Variants in NTRK3 observed in about 807,000 individuals in gnomAD.
The protein encoded by NTRK3 is neurotrophic receptor tyrosine kinase 3.
In NTRK3, 24 loss-of-function variants were observed where a neutral mutation model predicts 91.7. That is an observed-to-expected ratio of 0.26 (90% CI 0.19 to 0.37). The LOEUF (loss-of-function observed/expected upper bound fraction) is 0.37, where lower values mean the gene tolerates loss of function less well. Among genes scored for constraint, NTRK3 ranks in the 10% least tolerant of loss-of-function variants. The pLI, the probability that NTRK3 is intolerant of heterozygous loss-of-function variation, is 1.00. For missense variants in NTRK3, 880 were observed against 1,068.9 expected (o/e 0.82, Z 2.46); for synonymous variants, 483 against 404.0 (o/e 1.20, Z -2.34).
At chr15:87,922,069 C>G (rs2067920765) in intron 17 of NTRK3, among the ~76,000 whole-genome samples, 1 of 152,168 alleles carries the variant, frequency 6.6e-6, no homozygotes, top group African/African-American at 2.4e-5. Context: ...CAACGAAGAG[C>G]AGAAAGCATG....
intron 3 of NTRK3, among the ~76,000 whole-genome samples, chr15:88,242,953 C>T (rs181879044): frequency 6.7e-4 from 102 of 152,324 alleles, no homozygotes; most frequent in African/African-American, 2.4e-3. Context: ...GGCCGCCCCT[C>T]CAACACCTGC....
At chr15:87,860,445 C>T (rs955595368) in exon 19 of NTRK3, 13 of 218,692 alleles carry the variant, frequency 5.9e-5, no homozygotes, top group Non-Finnish European at 1.2e-4. Flanking sequence ...GAGAACACAC[C>T]CCTCTAACCT....
In NTRK3 at chr15:88,100,442, A is replaced by G. The variant is rs562720972; in HGVS notation, c.1396+25829T>C. On this transcript the variant is annotated intron_variant, in intron 13 of 18. Transcript: ENST00000394480. ...GAGCTGGCAGCCAGCAACTCCCAGT[A>G]GTGAGCTGGTAAACCTCAGATGGCG... 3.3e-5 allele frequency among the ~76,000 whole-genome samples: 5 copies of G among 152,334 alleles called. No homozygotes were observed. In the East Asian group the frequency reaches 9.6e-4, roughly 29 times the overall value.
intron 17 of NTRK3, among the ~76,000 whole-genome samples, chr15:87,882,736 G>A (rs2065320461): frequency 6.6e-6 from 1 of 151,950 alleles, no homozygotes; most frequent in South Asian, 2.1e-4. Context: ...ATTTAAATAT[G>A]CTTACTAAAA....
At chr15:88,129,521 A>G (rs533398627) in intron 10 of NTRK3, among the ~76,000 whole-genome samples, 5 of 152,330 alleles carry the variant, frequency 3.3e-5, no homozygotes, top group East Asian at 1.9e-4. Context: ...TCTACCAGAA[A>G]TGCTCAAACT....
At chr15:88,150,884 G>T (rs74027773) in intron 5 of NTRK3, among the ~76,000 whole-genome samples, 179 of 152,266 alleles carry the variant, frequency 1.2e-3, no homozygotes, top group African/African-American at 4.1e-3. Flanking sequence ...ACAAGCTTCT[G>T]TATGAGTTGC....
intron 16 of NTRK3, among the ~76,000 whole-genome samples, chr15:87,929,851 A>G (rs1299932707): frequency 6.6e-6 from 1 of 152,232 alleles, no homozygotes; most frequent in Non-Finnish European, 1.5e-5. Flanking sequence ...TGAAATAAAG[A>G]AATTGAGGCA....
At chr15:88,251,548 A>T (rs559683223) in intron 3 of NTRK3, among the ~76,000 whole-genome samples, 4 of 152,360 alleles carry the variant, frequency 2.6e-5, no homozygotes, top group Admixed American at 2.0e-4. Flanking sequence ...CTTCTGTGCA[A>T]GCCACCCATG....
chr15:88,054,532 A>C (rs1275060561), intron 13 of NTRK3, among the ~76,000 whole-genome samples: 1 of 152,214 alleles, frequency 6.6e-6, no homozygotes, highest in South Asian at 2.1e-4. Context: ...GCAACTCAAC[A>C]GGCATCCCAT....
chr15:88,194,634 A>G (rs1186843489), intron 3 of NTRK3, among the ~76,000 whole-genome samples: 1 of 152,230 alleles, frequency 6.6e-6, no homozygotes, highest in Non-Finnish European at 1.5e-5. Flanking sequence ...CTGCGGCCCA[A>G]TTAAAATCTG....
chr15:87,883,782 A>T (rs1272648739), intron 17 of NTRK3, among the ~76,000 whole-genome samples: 1 of 151,406 alleles, frequency 6.6e-6, no homozygotes, highest in East Asian at 1.9e-4. Flanking sequence ...TAATTTTTTA[A>T]AAGTTGTCTT....
chr15:88,139,080 T>C (rs2151238475), intron 6 of NTRK3, among the ~76,000 whole-genome samples: 1 of 152,318 alleles, frequency 6.6e-6, no homozygotes, highest in African/African-American at 2.4e-5. Flanking sequence ...TGAGTGCTGC[T>C]GACACAGAGA....
chr15:88,047,105 C>T (rs186282655), intron 13 of NTRK3, among the ~76,000 whole-genome samples: 5 of 152,232 alleles, frequency 3.3e-5, no homozygotes, highest in East Asian at 3.9e-4. Context: ...TGAGGTTCCA[C>T]GCATGCCCAC....
At position 88,029,824 on chromosome 15, in the gene NTRK3, T is replaced by C. The variant is rs369355783; in HGVS notation, c.1585+3033A>G. ...ACACAGGGATGTGTCTTGGAGTCTG[T>C]TCCCTCGACTGATGAAGGCTTGGTT... is the stretch of plus-strand genomic sequence containing the variant. On this transcript the variant is annotated intron_variant, in intron 14 of 18. Transcript: ENST00000394480. Among the ~76,000 whole-genome samples the C allele has an allele frequency of 6.6e-5, 10 of 152,226 alleles. No individual in the cohort carries two copies. In the East Asian group the frequency reaches 9.6e-4, roughly 15 times the overall value.
At chr15:88,207,679 G>A (rs1253959919) in intron 3 of NTRK3, among the ~76,000 whole-genome samples, 1 of 152,122 alleles carries the variant, frequency 6.6e-6, no homozygotes, top group Admixed American at 6.5e-5. Flanking sequence ...TCTGCTGCAG[G>A]CAAAAGAAGC....
At position 87,868,102 on chromosome 15, in the gene NTRK3, C is replaced by A. The variant is rs373505948; in HGVS notation, c.*8833G>T. On this transcript the variant is annotated 3_prime_UTR_variant, in exon 19 of 19. Coordinates refer to ENST00000394480, the Ensembl canonical transcript of NTRK3. ...GCAAATGCATGCACACAAAGATCAA[C>A]GGAAGCGACACAAATGGGGCATATG... The A allele has an allele frequency of 1.6e-4, 38 of 231,558 alleles. No homozygotes were observed. In the East Asian group the frequency reaches 1.6e-3, roughly 10 times the overall value. The allele number at this position is 231,558 out of a possible 1,614,324, so 14.3% of individuals were successfully genotyped here.
intron 5 of NTRK3, among the ~76,000 whole-genome samples, chr15:88,154,720 A>G (rs2043723237): frequency 6.6e-6 from 1 of 152,186 alleles, no homozygotes; most frequent in Non-Finnish European, 1.5e-5. Flanking sequence ...GGTTTCCCAG[A>G]GCGTGTTCCT....
At chr15:88,072,520 GT>G in intron 13 of NTRK3, 1 of 232,438 alleles carries the variant, frequency 4.3e-6, no homozygotes, top group Non-Finnish European at 8.5e-6. Context: ...TTCCGTTGTT[GT>G]TTTTCATTTT....
At chr15:88,247,604 T>C (rs118106010) in intron 3 of NTRK3, among the ~76,000 whole-genome samples, 1,736 of 152,260 alleles carry the variant, frequency 0.011, 11 homozygotes, top group Non-Finnish European at 0.019. Context: ...AACATGACAG[T>C]GACCCTACGG....
Sources: gnomAD v4.1 joint callset for allele counts (sites outside exome capture counted in the v4.1 genomes callset) on GRCh38, gnomAD v4.1.1 for gene constraint, MANE v1.5 for transcripts, NCBI Gene and HGNC (gene_info 2026-07-23, HGNC 2026-07-21) for gene names.